Variants in BCL2L2 observed in about 807,000 individuals in gnomAD.
BCL2L2 encodes the protein bcl-2-like protein 2.
A neutral mutation model predicts 14.6 loss-of-function variants in BCL2L2; 6 were observed. That is an observed-to-expected ratio of 0.41 (90% CI 0.22 to 0.81). The LOEUF (loss-of-function observed/expected upper bound fraction) is 0.81. Among genes scored for constraint, BCL2L2 ranks in the 30% least tolerant of loss-of-function variants. The pLI is 0.32. For missense variants in BCL2L2, 191 were observed against 260.5 expected, an observed-to-expected ratio of 0.73 and a Z score of 1.84; for synonymous variants, 90 against 108.5, an observed-to-expected ratio of 0.83 and a Z score of 1.06.
chr14:23,307,941 G>A lies in BCL2L2; in HGVS notation c.174G>A (p.Arg58=). 1 of 1,613,956 alleles carries A rather than the reference G, an allele frequency of 6.2e-7. No individual in the cohort carries two copies. The highest frequency in any genetic ancestry group is 8.5e-7 in the Non-Finnish European group (1 of 1,179,924). Residue 58 remains arginine (R), a synonymous_variant, in exon 3 of 4, where the codon CGG becomes CGA. Transcript: ENST00000250405. The part of the protein sequence containing the change: ...AAGDEFETRF[R]RTFSDLAAQL... ...GAGATGAGTTCGAGACCCGCTTCCG[G>A]CGCACCTTCTCTGATCTGGCGGCTC... is the stretch of plus-strand genomic sequence containing the variant.
In BCL2L2 at chr14:23,309,154, G is replaced by C; in HGVS notation, c.*189G>C. 1 of 1,238,548 alleles carries C rather than the reference G, an allele frequency of 8.1e-7. No homozygotes were observed. The highest frequency in any genetic ancestry group is 1.0e-6 in the Non-Finnish European group (1 of 987,600). The allele number at this position is 1,238,548 out of a possible 1,614,324, so 76.7% of individuals were successfully genotyped here. A position where few individuals can be genotyped will look rare whatever the true frequency, so the allele number is the denominator to read the frequency against. On this transcript the variant is annotated 3_prime_UTR_variant, in exon 4 of 4. Transcript: ENST00000250405. ...ATTGGAAGAGTGAGCAGGACACAGA[G>C]GGGAGGGGAATGTTTTGGCAAGTTT...
At position 23,309,871 on chromosome 14, in the gene BCL2L2, A is replaced by G. The variant is rs1887502558; in HGVS notation, c.*906A>G. 6 of 985,240 alleles carry G rather than the reference A, an allele frequency of 6.1e-6. No homozygotes were observed. The highest frequency in any genetic ancestry group is 4.7e-5 in the South Asian group (1 of 21,290). The allele number at this position is 985,240 out of a possible 1,614,324, so 61.0% of individuals were successfully genotyped here. A position where few individuals can be genotyped will look rare whatever the true frequency, so the allele number is the denominator to read the frequency against. On this transcript the variant is annotated 3_prime_UTR_variant, in exon 4 of 4. Coordinates refer to ENST00000250405, the MANE Select transcript of BCL2L2 (RefSeq NM_004050.5). ...CACAATGGTGCCTAAAGTGTTTCCAATCTCTGGGACCTCTGTACCCAAACT... is the reference window on the plus strand; with the variant it reads ...CACAATGGTGCCTAAAGTGTTTCCAGTCTCTGGGACCTCTGTACCCAAACT...
Position 23,310,592 on chromosome 14 carries a change from G to A in BCL2L2, c.*1627G>A. 1 of 1,081,618 alleles carries A rather than the reference G, an allele frequency of 9.2e-7. No individual in the cohort carries two copies. Among genetic ancestry groups the A allele is most frequent in the South Asian group, 2.5e-5 (1 of 39,888 alleles). 67.0% of individuals were successfully genotyped at this position (1,081,618 alleles called of 1,614,324 possible). ...CTTTTTCATGGTATTTCTAGGGGAG[G>A]TGGTAGGCTGCATGTGCCACTTGGT... On this transcript the variant is annotated 3_prime_UTR_variant, in exon 4 of 4. Transcript: ENST00000250405.
rs1887413147 is a variant in BCL2L2 at position 23,308,684 on chromosome 14, G to C, written c.433-132G>C. 1 of 726,512 alleles carries C rather than the reference G, an allele frequency of 1.4e-6. No individual in the cohort carries two copies. 45.0% of individuals were successfully genotyped at this position (726,512 alleles called of 1,614,324 possible). On this transcript the variant is annotated intron_variant, in intron 3 of 3. Coordinates refer to ENST00000250405, the MANE Select transcript of BCL2L2 (RefSeq NM_004050.5). This position sits in a 1 kb window ranked among gnomAD's most constrained non-coding sequence, Gnocchi z 5.4. ...CTTGCAGGGAGAAGAGCTTTGGCCA[G>C]AGAGGAGCTGGGTATGGGGTAGTGC...
Position 23,308,121 on chromosome 14 carries a change from G to A in BCL2L2, c.354G>A (p.Leu118=). 1 of 1,613,854 alleles carries A rather than the reference G, an allele frequency of 6.2e-7. No homozygotes were observed. The highest frequency in any genetic ancestry group is 1.3e-5 in the African/African-American group (1 of 75,060). The change falls in exon 3 of 4, where the codon CTG becomes CTA. Residue 118 remains leucine (L), a synonymous_variant. Transcript: ENST00000250405. The surrounding 1 kb of genome is among the most constrained non-coding windows in gnomAD (Gnocchi z 5.4). The part of the protein sequence containing the change: ...AESVNKEMEP[L]VGQVQEWMVA... Reference sequence around the variant, plus strand: ...GTGTCAACAAGGAGATGGAACCACTGGTGGGACAAGTGCAGGAGTGGATGG... The same window carrying A: ...GTGTCAACAAGGAGATGGAACCACTAGTGGGACAAGTGCAGGAGTGGATGG...
At position 23,311,680 on chromosome 14, in the gene BCL2L2, G is replaced by T. The variant is rs989279999; in HGVS notation, c.*2715G>T. 2 of 928,366 alleles carry T rather than the reference G, an allele frequency of 2.2e-6. No individual in the cohort carries two copies. The highest frequency in any genetic ancestry group is 1.3e-6 in the Non-Finnish European group (1 of 778,420). 57.5% of individuals were successfully genotyped at this position (928,366 alleles called of 1,614,324 possible). A position where few individuals can be genotyped will look rare whatever the true frequency, so the allele number is the denominator to read the frequency against. ...TAATTTATAAATACCAAGTTCATTT[G>T]ACTTTTATTTTTGTGTAATATGTAA... On this transcript the variant is annotated 3_prime_UTR_variant, in exon 4 of 4. Transcript: ENST00000250405.
Position 23,309,300 on chromosome 14 carries a change from A to G in BCL2L2, c.*335A>G. ...ACAGCCCTGAGGAAGGTGGACTTAC[A>G]TAAGCAGCTGTATTCCATTAGATGA... is the stretch of plus-strand genomic sequence containing the variant. On this transcript the variant is annotated 3_prime_UTR_variant, in exon 4 of 4. Coordinates refer to ENST00000250405, the MANE Select transcript of BCL2L2 (RefSeq NM_004050.5). 9.0e-7 allele frequency: 1 copy of G among 1,105,744 alleles called. No individual in the cohort carries two copies. The allele number at this position is 1,105,744 out of a possible 1,614,324, so 68.5% of individuals were successfully genotyped here. A position where few individuals can be genotyped will look rare whatever the true frequency, so the allele number is the denominator to read the frequency against.
rs773936872 is a variant in BCL2L2, at chr14:23,307,973, A to G, written c.206A>G (p.His69Arg). ...TTCTCTGATCTGGCGGCTCAGCTGC[A>G]TGTGACCCCAGGCTCAGCCCAACAA... The part of the protein sequence containing the change: ...RTFSDLAAQL[H>R]VTPGSAQQRF... Residue 69 changes from histidine to arginine, a missense_variant, in exon 3 of 4, where the codon CAT becomes CGT. His to Arg is a conservative substitution (Grantham distance 29, BLOSUM62 0). Coordinates refer to ENST00000250405, the MANE Select transcript of BCL2L2 (RefSeq NM_004050.5). The G allele has an allele frequency of 3.1e-6, 5 of 1,614,038 alleles. No homozygotes were observed. The Admixed American group carries it at 5.0e-5, about 16-fold the overall frequency.
At chr14:23,307,720 T>A in intron 2 of BCL2L2, 40 bp from the exon 3 acceptor site, 1 of 1,513,696 alleles carries the variant, frequency 6.6e-7, no homozygotes, top group Non-Finnish European at 8.8e-7. Context: ...GATTCTCTCT[T>A]CATATATTCA....
rs570494160 is a variant in BCL2L2 at position 23,311,015 on chromosome 14, A to G, written c.*2050A>G. The G allele has an allele frequency of 2.5e-5, 32 of 1,289,580 alleles. No homozygotes were observed. The Admixed American group carries it at 4.6e-4, about 19-fold the overall frequency. 79.9% of individuals were successfully genotyped at this position (1,289,580 alleles called of 1,614,324 possible). ...CACCCTACCCTCTACCACAGGACAC[A>G]TATCCCTGTTAGCATTCCCCGGGAC... On this transcript the variant is annotated 3_prime_UTR_variant, in exon 4 of 4. Transcript: ENST00000250405.
chr14:23,310,603 C>T lies in BCL2L2; in HGVS notation c.*1638C>T. ...TATTTCTAGGGGAGGTGGTAGGCTG[C>T]ATGTGCCACTTGGTCTTGTTGTGAG... On this transcript the variant is annotated 3_prime_UTR_variant, in exon 4 of 4. Transcript: ENST00000250405. The T allele has an allele frequency of 9.2e-7, 1 of 1,087,394 alleles. No individual in the cohort carries two copies. Among genetic ancestry groups the T allele is most frequent in the Non-Finnish European group, 1.1e-6 (1 of 891,042 alleles). 67.4% of individuals were successfully genotyped at this position (1,087,394 alleles called of 1,614,324 possible).
In BCL2L2 at chr14:23,309,083, C is replaced by T; in HGVS notation, c.*118C>T. On this transcript the variant is annotated 3_prime_UTR_variant, in exon 4 of 4. Coordinates refer to ENST00000250405, the MANE Select transcript of BCL2L2 (RefSeq NM_004050.5). ...ATGGGTGGGCATGGAACAGGATGGG[C>T]AGAGAAAGGGTAGTGTGTGAGGGAG... 1.6e-6 allele frequency: 2 copies of T among 1,262,806 alleles called. No homozygotes were observed. The highest frequency in any genetic ancestry group is 2.0e-6 in the Non-Finnish European group (2 of 997,196). 78.2% of individuals were successfully genotyped at this position (1,262,806 alleles called of 1,614,324 possible). A position where few individuals can be genotyped will look rare whatever the true frequency, so the allele number is the denominator to read the frequency against.
At chr14:23,306,954 G>C (rs1294125190) in intron 1 of BCL2L2, 60 bp downstream of exon 1, 1 of 152,686 alleles carries the variant, frequency 6.5e-6, no homozygotes, top group Non-Finnish European at 1.5e-5. Flanking sequence ...GGGGGTAAGG[G>C]AGGAGCTGGG....
rs1272823086 is a variant in BCL2L2, at chr14:23,310,575, T to A, written c.*1610T>A. On this transcript the variant is annotated 3_prime_UTR_variant, in exon 4 of 4. Coordinates refer to ENST00000250405, the MANE Select transcript of BCL2L2 (RefSeq NM_004050.5). ...TTTGAGAGAGGGCTGCACTTTTTCA[T>A]GGTATTTCTAGGGGAGGTGGTAGGC... 9.4e-7 allele frequency: 1 copy of A among 1,062,350 alleles called. No individual in the cohort carries two copies. The highest frequency in any genetic ancestry group is 1.7e-5 in the African/African-American group (1 of 57,862). 65.8% of individuals were successfully genotyped at this position (1,062,350 alleles called of 1,614,324 possible).
In BCL2L2 at chr14:23,308,700, G is replaced by A; in HGVS notation, c.433-116G>A. The A allele has an allele frequency of 1.2e-6, 1 of 844,322 alleles. No individual in the cohort carries two copies. The highest frequency in any genetic ancestry group is 1.7e-6 in the Non-Finnish European group (1 of 599,514). 52.3% of individuals were successfully genotyped at this position (844,322 alleles called of 1,614,324 possible). The stretch of plus-strand genomic sequence containing the variant: ...CTTTGGCCAGAGAGGAGCTGGGTAT[G>A]GGGTAGTGCTCGCAGTGGATGGAAC... On this transcript the variant is annotated intron_variant, in intron 3 of 3. Transcript: ENST00000250405. The surrounding 1 kb of genome is among the most constrained non-coding windows in gnomAD (Gnocchi z 5.4).
rs566120962 is a variant in BCL2L2 at position 23,309,115 on chromosome 14, A to G, written c.*150A>G. 8 of 1,230,356 alleles carry G rather than the reference A, an allele frequency of 6.5e-6. No individual in the cohort carries two copies. The highest frequency in any genetic ancestry group is 1.6e-5 in the African/African-American group (1 of 63,528). 76.2% of individuals were successfully genotyped at this position (1,230,356 alleles called of 1,614,324 possible). ...AGGGTAGTGTGTGAGGGAGCTGAGT[A>G]GGCCAGGTAGGCGATTGGAAGAGTG... On this transcript the variant is annotated 3_prime_UTR_variant, in exon 4 of 4. Coordinates refer to ENST00000250405, the MANE Select transcript of BCL2L2 (RefSeq NM_004050.5).
chr14:23,310,968 C>G lies in BCL2L2; in HGVS notation c.*2003C>G, dbSNP rs1433059303. 7 of 1,289,482 alleles carry G rather than the reference C, an allele frequency of 5.4e-6. 1 individual carries two copies. In the Admixed American group the frequency reaches 1.6e-4, roughly 30 times the overall value. The allele number at this position is 1,289,482 out of a possible 1,614,324, so 79.9% of individuals were successfully genotyped here. On this transcript the variant is annotated 3_prime_UTR_variant, in exon 4 of 4. Transcript: ENST00000250405. ...CCAAATTGGAGTCTGTGCTTCCTTCCCCAGGTATGGAGCACACTCTTCACC... is the reference window on the plus strand; with the variant it reads ...CCAAATTGGAGTCTGTGCTTCCTTCGCCAGGTATGGAGCACACTCTTCACC...
rs1887552252 is a variant in BCL2L2, at chr14:23,310,624, G to T, written c.*1659G>T. The stretch of plus-strand genomic sequence containing the variant: ...GCTGCATGTGCCACTTGGTCTTGTT[G>T]TGAGTATGCTGACACCAGAAACTCA... On this transcript the variant is annotated 3_prime_UTR_variant, in exon 4 of 4. Coordinates refer to ENST00000250405, the MANE Select transcript of BCL2L2 (RefSeq NM_004050.5). The T allele has an allele frequency of 1.8e-6, 2 of 1,116,712 alleles. No homozygotes were observed. Among genetic ancestry groups the T allele is most frequent in the African/African-American group, 1.7e-5 (1 of 59,118 alleles). The allele number at this position is 1,116,712 out of a possible 1,614,324, so 69.2% of individuals were successfully genotyped here.
chr14:23,311,040 C>T lies in BCL2L2; in HGVS notation c.*2075C>T, dbSNP rs1319989876. 7.8e-7 allele frequency: 1 copy of T among 1,289,526 alleles called. No homozygotes were observed. The highest frequency in any genetic ancestry group is 1.5e-5 in the African/African-American group (1 of 65,982). 79.9% of individuals were successfully genotyped at this position (1,289,526 alleles called of 1,614,324 possible). On this transcript the variant is annotated 3_prime_UTR_variant, in exon 4 of 4. Coordinates refer to ENST00000250405, the MANE Select transcript of BCL2L2 (RefSeq NM_004050.5). Reference sequence around the variant, plus strand: ...ATATCCCTGTTAGCATTCCCCGGGACCTTTAGCCAAGAGGAGCTGCAGGGA... The same window carrying T: ...ATATCCCTGTTAGCATTCCCCGGGATCTTTAGCCAAGAGGAGCTGCAGGGA...
Sources: gnomAD v4.1 joint callset for allele counts on GRCh38, gnomAD v4.1.1 for gene constraint, Gnocchi (gnomAD v3.1) non-coding constraint, MANE v1.5 for transcripts, NCBI Gene and HGNC (gene_info 2026-07-23, HGNC 2026-07-21) for gene names.